Variants in UNC119B observed in about 807,000 individuals in gnomAD.
UNC119B encodes unc-119 lipid binding chaperone B.
Under a neutral mutation model 23.4 loss-of-function variants are expected in UNC119B, and 16 were observed. The observed-to-expected ratio is 0.68, with a 90% CI of 0.46 to 1.04. UNC119B has a LOEUF of 1.04. Ranked by LOEUF, UNC119B falls within the 50% of genes least tolerant of loss-of-function variation. UNC119B has a pLI of 0.00. For synonymous variants in UNC119B, 144 were observed against 145.4 expected (o/e 0.99, Z 0.07); for missense variants, 350 against 361.3 (o/e 0.97, Z 0.25).
chr12:120,710,596 G>T lies in UNC119B; in HGVS notation c.122G>T (p.Arg41Leu), dbSNP rs1435910045. 7.0e-7 allele frequency: 1 copy of T among 1,430,044 alleles called. No homozygotes were observed. 88.6% of individuals were successfully genotyped at this position (1,430,044 alleles called of 1,614,324 possible). A position where few individuals can be genotyped will look rare whatever the true frequency, so the allele number is the denominator to read the frequency against. Reference protein sequence around the residue: ...GGGVLNRLKARRQAPHHAADD... With the variant: ...GGGVLNRLKALRQAPHHAADD... ...GGCGTCCTGAACCGCCTGAAGGCGC[G>T]GCGGCAGGCGCCCCACCACGCGGCC... The change falls in exon 1 of 5, where the codon CGG becomes CTG. Residue 41 changes from arginine (R) to leucine (L), a missense_variant. Arg to Leu is a moderately radical substitution (Grantham distance 102). Coordinates refer to ENST00000344651, the MANE Select transcript of UNC119B (RefSeq NM_001080533.3).
intron 1 of UNC119B, among the ~76,000 whole-genome samples, chr12:120,712,103 C>T (rs1882683402): frequency 6.6e-6 from 1 of 152,130 alleles, no homozygotes; most frequent in Admixed American, 6.6e-5. Flanking sequence ...CTGTGCCTGG[C>T]CCTAAGCAGG....
chr12:120,714,249 C>A (rs1337168200), intron 2 of UNC119B, among the ~76,000 whole-genome samples: 1 of 152,154 alleles, frequency 6.6e-6, no homozygotes, highest in African/African-American at 2.4e-5. Flanking sequence ...CTATCATAAT[C>A]TCATACTGAC....
intron 4 of UNC119B, among the ~76,000 whole-genome samples, chr12:120,719,277 A>C (rs966705224): frequency 5.9e-5 from 9 of 152,140 alleles, no homozygotes; most frequent in African/African-American, 1.9e-4. Flanking sequence ...AATTATCTTT[A>C]CTCTCCAGTA....
intron 2 of UNC119B, among the ~76,000 whole-genome samples, chr12:120,715,518 A>ATTTTT (rs1360403804): frequency 1.0e-5 from 1 of 96,096 alleles, no homozygotes; most frequent in South Asian, 4.0e-4. Context: ...TTGTTCTCTG[A>ATTTTT]TTCTTTTTTT....
intron 1 of UNC119B, 109 bp downstream of exon 1, chr12:120,710,827 G>T: frequency 1.8e-6 from 2 of 1,091,082 alleles, no homozygotes; most frequent in East Asian, 3.5e-5. Flanking sequence ...AGACCCCCTC[G>T]GCCGGCCGGG....
chr12:120,717,683 C>T (rs1317604399), intron 4 of UNC119B, among the ~76,000 whole-genome samples: 1 of 151,660 alleles, frequency 6.6e-6, no homozygotes, highest in African/African-American at 2.4e-5. Context: ...CTGCCTCAGC[C>T]TCTCGAGTAG....
Position 120,721,046 on chromosome 12 carries a change from A to G in UNC119B, c.*1014A>G, listed in dbSNP as rs1882888531. ...GATTTGACTTTTCTCTGCACTGCAC[A>G]GCCTGGAGGATTGGCTTTTGATGGG... On this transcript the variant is annotated 3_prime_UTR_variant, in exon 5 of 5. Coordinates refer to ENST00000344651, the MANE Select transcript of UNC119B (RefSeq NM_001080533.3). The G allele has an allele frequency of 6.6e-6, 1 of 152,186 alleles. No homozygotes were observed. Among genetic ancestry groups the G allele is most frequent in the South Asian group, 2.1e-4 (1 of 4,830 alleles). The allele number at this position is 152,186 out of a possible 1,614,324, so 9.4% of individuals were successfully genotyped here. A position where few individuals can be genotyped will look rare whatever the true frequency, so the allele number is the denominator to read the frequency against.
chr12:120,717,064 C>A, intron 4 of UNC119B, 22 bp downstream of exon 4: 1 of 1,547,180 alleles, frequency 6.5e-7, no homozygotes, highest in Non-Finnish European at 8.7e-7. Flanking sequence ...CTGACCCTTA[C>A]AGCACTCTAG....
At chr12:120,711,420 A>G (rs1444027469) in intron 1 of UNC119B, 1 of 152,268 alleles carries the variant, frequency 6.6e-6, no homozygotes, top group East Asian at 1.9e-4. Flanking sequence ...AGTTTCAGAA[A>G]TGCGTTTCCT....
At position 120,720,081 on chromosome 12, in the gene UNC119B, C is replaced by T. The variant is rs765555274; in HGVS notation, c.*49C>T. Reference sequence around the variant, plus strand: ...GGTGCTTTGCCGCGGCCACAAGATCCTGGCACACGGAGATGATCGAAGCTG... The same window carrying T: ...GGTGCTTTGCCGCGGCCACAAGATCTTGGCACACGGAGATGATCGAAGCTG... On this transcript the variant is annotated 3_prime_UTR_variant, in exon 5 of 5. Coordinates refer to ENST00000344651, the MANE Select transcript of UNC119B (RefSeq NM_001080533.3). The T allele has an allele frequency of 7.2e-7, 1 of 1,379,532 alleles. No homozygotes were observed. The highest frequency in any genetic ancestry group is 1.0e-6 in the Non-Finnish European group (1 of 970,284). 85.5% of individuals were successfully genotyped at this position (1,379,532 alleles called of 1,614,324 possible). A position where few individuals can be genotyped will look rare whatever the true frequency, so the allele number is the denominator to read the frequency against.
rs1436679177 is a variant in UNC119B, at chr12:120,710,826, C to T, written c.244+108C>T. 5 of 1,120,832 alleles carry T rather than the reference C, an allele frequency of 4.5e-6. No individual in the cohort carries two copies. The East Asian group carries it at 1.4e-4, about 31-fold the overall frequency. 69.4% of individuals were successfully genotyped at this position (1,120,832 alleles called of 1,614,324 possible). A position where few individuals can be genotyped will look rare whatever the true frequency, so the allele number is the denominator to read the frequency against. ...CGCGGGGGTCCCCGCCAGACCCCCTCGGCCGGCCGGGCCGCGCTTCCCGCT... is the reference window on the plus strand; with the variant it reads ...CGCGGGGGTCCCCGCCAGACCCCCTTGGCCGGCCGGGCCGCGCTTCCCGCT... On this transcript the variant is annotated intron_variant, in intron 1 of 4. Coordinates refer to ENST00000344651, the MANE Select transcript of UNC119B (RefSeq NM_001080533.3).
rs1352322195 is a variant in UNC119B at position 120,720,063 on chromosome 12, T to C, written c.*31T>C. On this transcript the variant is annotated 3_prime_UTR_variant, in exon 5 of 5. Coordinates refer to ENST00000344651, the MANE Select transcript of UNC119B (RefSeq NM_001080533.3). Reference sequence around the variant, plus strand: ...GCAAGAGTAGATAGGGGAGGTGCTTTGCCGCGGCCACAAGATCCTGGCACA... The same window carrying C: ...GCAAGAGTAGATAGGGGAGGTGCTTCGCCGCGGCCACAAGATCCTGGCACA... The C allele has an allele frequency of 1.3e-6, 2 of 1,513,462 alleles. No individual in the cohort carries two copies. Among genetic ancestry groups the C allele is most frequent in the Admixed American group, 3.4e-5 (2 of 58,994 alleles). 93.8% of individuals were successfully genotyped at this position (1,513,462 alleles called of 1,614,324 possible).
In UNC119B at chr12:120,722,591, C is replaced by CT. The variant is rs1882937183; in HGVS notation, c.*2562dup. 1.3e-5 allele frequency: 2 copies of CT among 152,246 alleles called. No individual in the cohort carries two copies. The highest frequency in any genetic ancestry group is 2.9e-5 in the Non-Finnish European group (2 of 68,056). The allele number at this position is 152,246 out of a possible 1,614,324, so 9.4% of individuals were successfully genotyped here. On this transcript the variant is annotated 3_prime_UTR_variant, in exon 5 of 5. Transcript: ENST00000344651. ...AACTACCTGCATAGGAGACCCTGCC[C>CT]TTTGTCAAGAGCTGGGAGCACATTT...
rs747027640 is a variant in UNC119B at position 120,720,022 on chromosome 12, G to T, written c.746G>T (p.Gly249Val). Residue 249 changes from glycine to valine, a missense_variant, in exon 5 of 5, where the codon GGA becomes GTA. By Grantham distance (109) the Gly-to-Val change is moderately radical (BLOSUM62 -3). Transcript: ENST00000344651. Reference protein sequence around the residue: ...MHNKADYAYNGGQ With the variant: ...MHNKADYAYNVGQ ...AACAAGGCTGATTATGCCTATAATG[G>T]AGGCCAGTAAGTGCTGCAAGAGTAG... 6.2e-7 allele frequency: 1 copy of T among 1,613,068 alleles called. No homozygotes were observed. Among genetic ancestry groups the T allele is most frequent in the Non-Finnish European group, 8.5e-7 (1 of 1,179,136 alleles).
rs1190729207 is a variant in UNC119B, at chr12:120,722,863, GT to G, written c.*2835del. ...GTCTCCTTATGTATTACTCAATACT[GT>G]TTTGCAGAGAAAACATTTTTCAAGC... On this transcript the variant is annotated 3_prime_UTR_variant, in exon 5 of 5. Transcript: ENST00000344651. The G allele has an allele frequency of 6.6e-6, 1 of 152,276 alleles. No homozygotes were observed. Among genetic ancestry groups the G allele is most frequent in the Non-Finnish European group, 1.5e-5 (1 of 68,078 alleles). The allele number at this position is 152,276 out of a possible 1,614,324, so 9.4% of individuals were successfully genotyped here. A position where few individuals can be genotyped will look rare whatever the true frequency, so the allele number is the denominator to read the frequency against.
At position 120,721,361 on chromosome 12, in the gene UNC119B, G is replaced by A. The variant is rs1421997765; in HGVS notation, c.*1329G>A. 1 of 152,252 alleles carries A rather than the reference G, an allele frequency of 6.6e-6. No homozygotes were observed. The highest frequency in any genetic ancestry group is 1.5e-5 in the Non-Finnish European group (1 of 68,060). 9.4% of individuals were successfully genotyped at this position (152,252 alleles called of 1,614,324 possible). On this transcript the variant is annotated 3_prime_UTR_variant, in exon 5 of 5. Transcript: ENST00000344651. ...CCACAAACCCTCTGATGAGACGATT[G>A]ATGTGGCCAGGGTCCAGTTAGCATC...
At chr12:120,717,710 C>G (rs1430926606) in intron 4 of UNC119B, among the ~76,000 whole-genome samples, 1 of 151,184 alleles carries the variant, frequency 6.6e-6, no homozygotes, top group African/African-American at 2.4e-5. Context: ...TTATAGGCAC[C>G]TGCCACCATG....
In UNC119B at chr12:120,723,184, A is replaced by G. The variant is rs888915942; in HGVS notation, c.*3152A>G. 6 of 154,718 alleles carry G rather than the reference A, an allele frequency of 3.9e-5. No homozygotes were observed. Among genetic ancestry groups the G allele is most frequent in the African/African-American group, 1.2e-4 (5 of 41,486 alleles). The allele number at this position is 154,718 out of a possible 1,614,324, so 9.6% of individuals were successfully genotyped here. A position where few individuals can be genotyped will look rare whatever the true frequency, so the allele number is the denominator to read the frequency against. On this transcript the variant is annotated 3_prime_UTR_variant, in exon 5 of 5. Coordinates refer to ENST00000344651, the MANE Select transcript of UNC119B (RefSeq NM_001080533.3). The stretch of plus-strand genomic sequence containing the variant: ...TCACTTTCTTCTGATGGCCAGTGTC[A>G]CTATGATGTCAGTGAGGTCTGGGGA...
rs1882788293 is a variant in UNC119B, at chr12:120,716,746, A to T, written c.470+7A>T. On this transcript the variant is annotated splice_region_variant and intron_variant, in intron 3 of 4. Transcript: ENST00000344651. ...TCCGGACAGTCGGGGCTACGTGAGTACCATTACTACCTGAGGGGAGAACAT... is the reference window on the plus strand; with the variant it reads ...TCCGGACAGTCGGGGCTACGTGAGTTCCATTACTACCTGAGGGGAGAACAT... 6.2e-7 allele frequency: 1 copy of T among 1,613,272 alleles called. No individual in the cohort carries two copies. The highest frequency in any genetic ancestry group is 1.7e-4 in the Middle Eastern group (1 of 6,058).
Sources: allele counts gnomAD v4.1 joint callset (sites outside exome capture counted in the v4.1 genomes callset), GRCh38; gene constraint gnomAD v4.1.1; transcripts MANE v1.5; gene names NCBI Gene and HGNC (gene_info 2026-07-23, HGNC 2026-07-21).